Variants in POFUT3 observed in about 807,000 individuals in gnomAD.
POFUT3 encodes the protein protein O-fucosyltransferase 3, also known as GDP-fucose protein O-fucosyltransferase 3.
the POFUT3 span, among the ~76,000 whole-genome samples, chr8:33,398,090 T>C: frequency 2.0e-5 from 3 of 152,300 alleles, no homozygotes; most frequent in Admixed American, 6.5e-5. Flanking sequence ...CAAATGGCCA[T>C]GGTGGGAGAA....
At chr8:33,318,617 A>G in the POFUT3 span, among the ~76,000 whole-genome samples, 5 of 91,696 alleles carry the variant, frequency 5.5e-5, no homozygotes, top group Middle Eastern at 5.2e-3. Flanking sequence ...TATATTGTAT[A>G]TATATTTATA....
chr8:33,407,441 A>C, the POFUT3 span, among the ~76,000 whole-genome samples: 1 of 152,214 alleles, frequency 6.6e-6, no homozygotes, highest in African/African-American at 2.4e-5. Context: ...TTTCAAATAC[A>C]TACTTCACAA....
chr8:33,331,749 C>T, the POFUT3 span, among the ~76,000 whole-genome samples: 2,218 of 152,152 alleles, frequency 0.015, 48 homozygotes, highest in African/African-American at 0.05. Flanking sequence ...GATCTCGGCT[C>T]ACTGCAAGCT....
the POFUT3 span, among the ~76,000 whole-genome samples, chr8:33,340,963 C>A: frequency 7.2e-5 from 11 of 152,202 alleles, no homozygotes; most frequent in African/African-American, 2.4e-4. Flanking sequence ...TTTTAGGGCA[C>A]TTTTCTCAAT....
At chr8:33,353,684 A>T in the POFUT3 span, among the ~76,000 whole-genome samples, 1 of 152,132 alleles carries the variant, frequency 6.6e-6, no homozygotes, top group East Asian at 1.9e-4. Flanking sequence ...TGGCGGTGAG[A>T]TCTGGCACCT....
At chr8:33,406,877 T>C in the POFUT3 span, among the ~76,000 whole-genome samples, 2 of 152,180 alleles carry the variant, frequency 1.3e-5, no homozygotes, top group African/African-American at 4.8e-5. Context: ...GACTTCTTTT[T>C]GTTTAAATTT....
At chr8:33,380,222 T>A in the POFUT3 span, among the ~76,000 whole-genome samples, 3 of 87,704 alleles carry the variant, frequency 3.4e-5, no homozygotes, top group South Asian at 1.0e-3. Context: ...ATACTATATA[T>A]ATATATACTA....
At chr8:33,370,028 T>C in the POFUT3 span, among the ~76,000 whole-genome samples, 4 of 152,012 alleles carry the variant, frequency 2.6e-5, no homozygotes, top group African/African-American at 7.2e-5. Context: ...GTAATATTGC[T>C]TTTAAAAATT....
At chr8:33,361,939 T>C in the POFUT3 span, among the ~76,000 whole-genome samples, 2 of 151,956 alleles carry the variant, frequency 1.3e-5, no homozygotes, top group African/African-American at 2.4e-5. Flanking sequence ...AATCTTCACT[T>C]AAGAGCAGTC....
the POFUT3 span, among the ~76,000 whole-genome samples, chr8:33,341,585 G>A: frequency 6.6e-6 from 1 of 151,822 alleles, no homozygotes; most frequent in South Asian, 2.1e-4. Context: ...AATACTGAGA[G>A]AGGAATTTAT....
chr8:33,351,004 C>A, the POFUT3 span, among the ~76,000 whole-genome samples: 1 of 152,262 alleles, frequency 6.6e-6, no homozygotes. Flanking sequence ...GGGACAGAGT[C>A]TCACTCTGTT....
the POFUT3 span, among the ~76,000 whole-genome samples, chr8:33,450,223 G>A: frequency 6.6e-6 from 1 of 152,178 alleles, no homozygotes; most frequent in South Asian, 2.1e-4. Context: ...TTACAGGCAT[G>A]AGCCATTGTG....
the POFUT3 span, among the ~76,000 whole-genome samples, chr8:33,343,147 A>C: frequency 6.6e-6 from 1 of 151,704 alleles, no homozygotes; most frequent in Non-Finnish European, 1.5e-5. Context: ...ACTTACTTTC[A>C]CGCAAAAACC....
the POFUT3 span, among the ~76,000 whole-genome samples, chr8:33,412,456 A>T: frequency 2.6e-5 from 4 of 152,220 alleles, no homozygotes; most frequent in Admixed American, 2.0e-4. Flanking sequence ...TCATCAGCCT[A>T]GCTGCAGGTA....
At chr8:33,470,374 C>T in the POFUT3 span, among the ~76,000 whole-genome samples, 3 of 151,826 alleles carry the variant, frequency 2.0e-5, no homozygotes, top group Non-Finnish European at 4.4e-5. Context: ...GAGCTGTGAT[C>T]GTGCCACTGC....
At chr8:33,441,263 A>G in the POFUT3 span, among the ~76,000 whole-genome samples, 2 of 150,618 alleles carry the variant, frequency 1.3e-5, no homozygotes, top group Non-Finnish European at 3.0e-5. Context: ...CCCGGGAAGC[A>G]GAGGTTGCAG....
At chr8:33,458,578 T>C in the POFUT3 span, among the ~76,000 whole-genome samples, 4 of 151,838 alleles carry the variant, frequency 2.6e-5, no homozygotes, top group Non-Finnish European at 5.9e-5. Context: ...TAGCCAGGTG[T>C]GGTGGCAGGC....
At chr8:33,318,873 T>A in the POFUT3 span, among the ~76,000 whole-genome samples, 1 of 34,242 alleles carries the variant, frequency 2.9e-5, no homozygotes, top group Non-Finnish European at 4.0e-5. Context: ...TATATATTTT[T>A]TATATCTTTA....
At chr8:33,323,085 C>A in the POFUT3 span, among the ~76,000 whole-genome samples, 18 of 152,082 alleles carry the variant, frequency 1.2e-4, no homozygotes, top group African/African-American at 3.9e-4. Flanking sequence ...TGTGGCTCTC[C>A]CGCTTGCAAG....
Sources: gnomAD v4.1 joint callset for allele counts (sites outside exome capture counted in the v4.1 genomes callset) on GRCh38, gnomAD v4.1.1 for gene constraint, MANE v1.5 for transcripts, NCBI Gene and HGNC (gene_info 2026-07-23, HGNC 2026-07-21) for gene names.